Variants in UBE2S observed in about 807,000 individuals in gnomAD.
UBE2S encodes the protein ubiquitin conjugating enzyme E2 S, also known as ubiquitin-conjugating enzyme E2 S.
Under a neutral mutation model 12.3 loss-of-function variants are expected in UBE2S, and 3 were observed. The observed-to-expected ratio is 0.24, with a 90% CI of 0.11 to 0.63. The LOEUF is 0.63. Among genes scored for constraint, UBE2S ranks in the 30% least tolerant of loss-of-function variants. The pLI, the probability that UBE2S is intolerant of heterozygous loss-of-function variation, is 0.85. For missense variants in UBE2S, 211 were observed against 313.9 expected (o/e 0.67, Z 2.48); for synonymous variants, 133 against 142.0 (o/e 0.94, Z 0.45).
At chr19:55,407,501 G>T in intron 1 of UBE2S, 86 bp downstream of exon 1, 1 of 1,447,430 alleles carries the variant, frequency 6.9e-7, no homozygotes, top group Non-Finnish European at 9.2e-7. Flanking sequence ...ACCCCTCAAG[G>T]CCGCCCGTCG....
intron 3 of UBE2S, 22 bp from the exon 4 acceptor site, chr19:55,401,784 C>T: frequency 6.2e-7 from 1 of 1,612,574 alleles, no homozygotes; most frequent in Non-Finnish European, 8.5e-7. Flanking sequence ...GGCTCAGGGT[C>T]ACAGTGGGTC....
chr19:55,402,214 C>T (rs2090064977), intron 3 of UBE2S, among the ~76,000 whole-genome samples: 1 of 152,226 alleles, frequency 6.6e-6, no homozygotes. Context: ...TTCCCCAGGG[C>T]CTCAGGATTT....
chr19:55,401,824 A>ACAAGAGGGTGGCCTCCG (rs2090061604), intron 3 of UBE2S, 62 bp from the exon 4 acceptor site: 15 of 1,574,898 alleles, frequency 9.5e-6, no homozygotes, highest in Non-Finnish European at 1.3e-5. Flanking sequence ...CCAGGCCTCC[A>ACAAGAGGGTGGCCTCCG]CAAGAGGGTG....
At position 55,400,193 on chromosome 19, in the gene UBE2S, T is replaced by TA. The variant is rs1309109952; in HGVS notation, c.*1242dup. The TA allele has an allele frequency of 6.6e-6, 1 of 152,212 alleles. No individual in the cohort carries two copies. Among genetic ancestry groups the TA allele is most frequent in the Non-Finnish European group, 1.5e-5 (1 of 68,038 alleles). 9.4% of individuals were successfully genotyped at this position (152,212 alleles called of 1,614,324 possible). A position where few individuals can be genotyped will look rare whatever the true frequency, so the allele number is the denominator to read the frequency against. ...AACTTGTAGATTTTTATTGTAAATG[T>TA]ATTTTACTTTTTGTAGAGATGGGAT... On this transcript the variant is annotated 3_prime_UTR_variant, in exon 4 of 4. Coordinates refer to ENST00000264552, the MANE Select transcript of UBE2S (RefSeq NM_014501.3).
chr19:55,407,544 G>A (rs2090104562), intron 1 of UBE2S, 43 bp downstream of exon 1: 1 of 1,524,744 alleles, frequency 6.6e-7, no homozygotes, highest in Non-Finnish European at 8.8e-7. Flanking sequence ...CTCCCTCAGG[G>A]ACACCCCCGA....
At chr19:55,405,171 C>T (rs8102125) in intron 2 of UBE2S, among the ~76,000 whole-genome samples, 99,108 of 144,934 alleles carry the variant, frequency 0.68, 34,847 homozygotes, top group African/African-American at 0.8. Flanking sequence ...GATCGCGCCA[C>T]TGCACTCCAG....
intron 3 of UBE2S, 79 bp from the exon 4 acceptor site, chr19:55,401,841 G>T: frequency 6.8e-7 from 1 of 1,475,946 alleles, no homozygotes; most frequent in Non-Finnish European, 9.4e-7. Context: ...GGTGGCCTCC[G>T]CACTGGCTGT....
At chr19:55,407,195 A>G (rs1330298367) in intron 1 of UBE2S, among the ~76,000 whole-genome samples, 2 of 115,344 alleles carry the variant, frequency 1.7e-5, no homozygotes, top group African/African-American at 3.5e-5. Flanking sequence ...CCACCCCAGA[A>G]CCCCCCCCCC....
Position 55,404,921 on chromosome 19 carries a change from G to C in UBE2S, c.152-443C>G, listed in dbSNP as rs140201143. On this transcript the variant is annotated intron_variant, in intron 2 of 3. Transcript: ENST00000264552. This position sits in a 1 kb window ranked among gnomAD's most constrained non-coding sequence, Gnocchi z 4.4. ...CCCAGTCAGGCTGTAGAATTCTTAA[G>C]AGCAAGAGGCCAGGTGTGGTGGCTC... Among the ~76,000 whole-genome samples the C allele has an allele frequency of 1.3e-5, 2 of 150,704 alleles. No individual in the cohort carries two copies. The highest frequency in any genetic ancestry group is 2.0e-4 in the East Asian group (1 of 4,898).
intron 2 of UBE2S, 46 bp downstream of exon 2, chr19:55,406,769 G>T (rs369214413): frequency 6.3e-7 from 1 of 1,581,010 alleles, no homozygotes; most frequent in East Asian, 2.2e-5. Flanking sequence ...GCAGGGTGAT[G>T]GAGGATCTAA....
At chr19:55,406,127 C>T (rs1031267692) in intron 2 of UBE2S, among the ~76,000 whole-genome samples, 7 of 152,192 alleles carry the variant, frequency 4.6e-5, no homozygotes, top group Admixed American at 1.3e-4. Flanking sequence ...CCCAGCTCCA[C>T]CTGCCCAAGG....
chr19:55,406,776 C>A, intron 2 of UBE2S, 39 bp downstream of exon 2: 1 of 1,589,552 alleles, frequency 6.3e-7, no homozygotes, highest in Non-Finnish European at 8.6e-7. Flanking sequence ...GATGGAGGAT[C>A]TAAGCAGCAG....
In UBE2S at chr19:55,400,204, T is replaced by G. The variant is rs965268765; in HGVS notation, c.*1232A>C. ...TTTTATTGTAAATGTATTTTACTTTTTGTAGAGATGGGATCTCACTGTGTT... is the reference window on the plus strand; with the variant it reads ...TTTTATTGTAAATGTATTTTACTTTGTGTAGAGATGGGATCTCACTGTGTT... On this transcript the variant is annotated 3_prime_UTR_variant, in exon 4 of 4. Transcript: ENST00000264552. 2 of 152,222 alleles carry G rather than the reference T, an allele frequency of 1.3e-5. No homozygotes were observed. Among genetic ancestry groups the G allele is most frequent in the African/African-American group, 4.8e-5 (2 of 41,460 alleles). The allele number at this position is 152,222 out of a possible 1,614,324, so 9.4% of individuals were successfully genotyped here.
At chr19:55,407,156 T>C (rs974638556) in intron 1 of UBE2S, among the ~76,000 whole-genome samples, 194 bp from the exon 2 acceptor site, 1 of 150,728 alleles carries the variant, frequency 6.6e-6, no homozygotes, top group African/African-American at 2.4e-5. Context: ...TGGGGGCGGG[T>C]TCACGGGGGG....
At chr19:55,407,410 C>T (rs908970413) in intron 1 of UBE2S, among the ~76,000 whole-genome samples, 177 bp downstream of exon 1, 3 of 152,138 alleles carry the variant, frequency 2.0e-5, no homozygotes, top group Non-Finnish European at 4.4e-5. Flanking sequence ...AGGGAGACTG[C>T]GGGCCGCCCG....
At chr19:55,403,060 C>A in intron 3 of UBE2S, 1 of 1,372,122 alleles carries the variant, frequency 7.3e-7, no homozygotes, top group Non-Finnish European at 1.0e-6. Context: ...GGAGCCATCT[C>A]GTACGCTGCA....
At position 55,407,753 on chromosome 19, in the gene UBE2S, C is replaced by A. The variant is rs1053149180; in HGVS notation, c.-164G>T. On this transcript the variant is annotated 5_prime_UTR_variant, in exon 1 of 4. Transcript: ENST00000264552. ...CGACGTCCGCCGCGCACAGCGTAGACCAACCCGCCGCCCCGGTGCCCGGCA... is the reference window on the plus strand; with the variant it reads ...CGACGTCCGCCGCGCACAGCGTAGAACAACCCGCCGCCCCGGTGCCCGGCA... 2 of 442,422 alleles carry A rather than the reference C, an allele frequency of 4.5e-6. No homozygotes were observed. The highest frequency in any genetic ancestry group is 4.3e-5 in the East Asian group (1 of 23,346). 27.4% of individuals were successfully genotyped at this position (442,422 alleles called of 1,614,324 possible).
intron 3 of UBE2S, chr19:55,402,947 CG>C: frequency 6.6e-7 from 1 of 1,520,790 alleles, no homozygotes; most frequent in Non-Finnish European, 8.8e-7. Context: ...TTTCAGCTTG[CG>C]GGAAGGGTTG....
In UBE2S at chr19:55,401,541, C is replaced by T. The variant is rs114808768; in HGVS notation, c.564G>A (p.Pro188=). The T allele has an allele frequency of 2.1e-3, 3,437 of 1,610,658 alleles. 40 individuals carry two copies. In the African/African-American group the frequency reaches 0.039, roughly 18 times the overall value. The change falls in exon 4 of 4, where the codon CCG becomes CCA. Residue 188 remains proline (P), a synonymous_variant. Transcript: ENST00000264552. ...TGGCCATGGGACCCTCAGCCCCTCC[C>T]GGGCCCCCTGGGGCCCCAGGGTCGG... is the stretch of plus-strand genomic sequence containing the variant. ...SSTDPGAPGG[P]GGAEGPMAKK... is the part of the protein sequence containing the mutation.
Sources: gnomAD v4.1 joint callset for allele counts (sites outside exome capture counted in the v4.1 genomes callset) on GRCh38, gnomAD v4.1.1 for gene constraint, Gnocchi (gnomAD v3.1) non-coding constraint, MANE v1.5 for transcripts, NCBI Gene and HGNC (gene_info 2026-07-23, HGNC 2026-07-21) for gene names.